The following IL1RAPL2 variants were observed in gnomAD, a reference collection of about 807,000 sequenced individuals.
IL1RAPL2 encodes interleukin 1 receptor accessory protein like 2.
IL1RAPL2 carries 3 observed loss-of-function variants against 44.1 expected under a neutral mutation model. The ratio of observed to expected loss-of-function variants is 0.07; its 90% confidence interval spans 0.03 to 0.18. The LOEUF is 0.18. Among genes scored for constraint, IL1RAPL2 ranks in the 10% least tolerant of loss-of-function variants. The pLI, the probability that IL1RAPL2 is intolerant of heterozygous loss-of-function variation, is 1.00. For missense variants in IL1RAPL2, 391 were observed against 496.4 expected (o/e 0.79, Z 2.02); for synonymous variants, 181 against 178.8 (o/e 1.01, Z -0.10).
intron 2 of IL1RAPL2, among the ~76,000 whole-genome samples, chrX:105,097,330 C>CAAAAAAAAAAAAA (rs201390547): frequency 2.3e-5 from 1 of 43,180 alleles, no homozygotes. Flanking sequence ...CAGTGTCAGA[C>CAAAAAAAAAAAAA]AAAAAAAAAA....
At chrX:104,804,891 CAGG>C (rs1182682135) in intron 2 of IL1RAPL2, among the ~76,000 whole-genome samples, 3 of 112,075 alleles carry the variant, frequency 2.7e-5, no homozygotes, top group Non-Finnish European at 5.6e-5. Context: ...TTAGGTAACA[CAGG>C]AGATAAATAG....
intron 6 of IL1RAPL2, among the ~76,000 whole-genome samples, chrX:105,554,464 C>T (rs2036882769): frequency 9.0e-6 from 1 of 111,513 alleles, no homozygotes; most frequent in Admixed American, 9.5e-5. Context: ...GTGTTTGATG[C>T]TTTTAATCAA....
chrX:105,387,611 A>G (rs187476662), intron 5 of IL1RAPL2, among the ~76,000 whole-genome samples: 1 of 111,630 alleles, frequency 9.0e-6, no homozygotes, highest in African/African-American at 3.2e-5. Context: ...TATTTATGCA[A>G]TCACATGACC....
intron 6 of IL1RAPL2, among the ~76,000 whole-genome samples, chrX:105,516,952 C>T (rs2036519225): frequency 9.0e-6 from 1 of 111,461 alleles, no homozygotes; most frequent in South Asian, 3.7e-4. Flanking sequence ...GGAGTGAAGG[C>T]AGAGATCAGA....
chrX:104,891,494 T>C (rs758423620), intron 2 of IL1RAPL2, among the ~76,000 whole-genome samples: 165 of 111,975 alleles, frequency 1.5e-3, no homozygotes, highest in Non-Finnish European at 2.6e-3. Context: ...GTAGCTCTCC[T>C]TGAAGAGGTC....
At chrX:104,973,527 G>A (rs1272349830) in intron 2 of IL1RAPL2, among the ~76,000 whole-genome samples, 1 of 111,666 alleles carries the variant, frequency 9.0e-6, no homozygotes, top group Non-Finnish European at 1.9e-5. Flanking sequence ...AGCTAAAGGA[G>A]GGAGTTACAT....
intron 5 of IL1RAPL2, among the ~76,000 whole-genome samples, chrX:105,394,026 A>T (rs1365634139): frequency 8.9e-6 from 1 of 111,996 alleles, no homozygotes; most frequent in Admixed American, 9.5e-5. Flanking sequence ...TTAGCAATTG[A>T]GATGATGTTT....
chrX:105,002,000 A>T (rs1306684456), intron 2 of IL1RAPL2, among the ~76,000 whole-genome samples: 1 of 111,149 alleles, frequency 9.0e-6, no homozygotes, highest in African/African-American at 3.3e-5. Context: ...AAGGGGGTAA[A>T]AATAAAAGTG....
At chrX:104,569,129 T>G (rs1217309038) in intron 1 of IL1RAPL2, among the ~76,000 whole-genome samples, 1 of 112,498 alleles carries the variant, frequency 8.9e-6, no homozygotes, top group Admixed American at 9.4e-5. Flanking sequence ...CAGCCGCTTC[T>G]GCTTCTGCCC....
intron 1 of IL1RAPL2, among the ~76,000 whole-genome samples, chrX:104,651,431 C>A (rs1420866160): frequency 9.0e-6 from 1 of 111,677 alleles, no homozygotes; most frequent in Non-Finnish European, 1.9e-5. Context: ...ACATAATGTC[C>A]ACTTGGCAAA....
chrX:104,767,071 C>T (rs757612045), intron 2 of IL1RAPL2, among the ~76,000 whole-genome samples: 1 of 111,898 alleles, frequency 8.9e-6, no homozygotes, highest in East Asian at 2.8e-4. Flanking sequence ...TAGAAGTTTC[C>T]ATAGTGTAAG....
chrX:105,360,291 A>G (rs1055932324), intron 5 of IL1RAPL2, among the ~76,000 whole-genome samples: 15 of 111,347 alleles, frequency 1.3e-4, no homozygotes, highest in African/African-American at 4.9e-4. Flanking sequence ...CTCTAGGCCT[A>G]TGTCAATTGG....
At chrX:104,876,772 A>G (rs1168583075) in intron 2 of IL1RAPL2, among the ~76,000 whole-genome samples, 3 of 105,562 alleles carry the variant, frequency 2.8e-5, no homozygotes, top group Non-Finnish European at 5.8e-5. Flanking sequence ...GTACATGTGC[A>G]CAATGTGCAG....
At chrX:105,668,035 T>G (rs888232823) in intron 6 of IL1RAPL2, among the ~76,000 whole-genome samples, 1 of 98,848 alleles carries the variant, frequency 1.0e-5, no homozygotes, top group African/African-American at 3.7e-5. Flanking sequence ...GGGATGGTAC[T>G]CCTTTTTGTG....
At position 105,325,469 on chromosome X, in the gene IL1RAPL2, T is replaced by C. The variant is rs780500554; in HGVS notation, c.697+57928T>C. On this transcript the variant is annotated intron_variant, in intron 5 of 10. Coordinates refer to ENST00000372582, the MANE Select transcript of IL1RAPL2 (RefSeq NM_017416.2). ...CATTATTTACACTTTAGGGCTCTTATAAATAATATTGCTGTGAACATTCGT... is the reference window on the plus strand; with the variant it reads ...CATTATTTACACTTTAGGGCTCTTACAAATAATATTGCTGTGAACATTCGT... 2.1e-4 allele frequency among the ~76,000 whole-genome samples: 22 copies of C among 106,565 alleles called. No homozygotes were observed. In the East Asian group the frequency reaches 5.8e-3, roughly 28 times the overall value. The allele number at this position is 106,565 out of a possible 115,157, so 92.5% of individuals were successfully genotyped here.
At chrX:104,878,752 T>C (rs1461342587) in intron 2 of IL1RAPL2, among the ~76,000 whole-genome samples, 1 of 111,912 alleles carries the variant, frequency 8.9e-6, no homozygotes, top group Non-Finnish European at 1.9e-5. Context: ...AAGCTTCTTG[T>C]TCCCTGTTTA....
intron 2 of IL1RAPL2, among the ~76,000 whole-genome samples, chrX:105,035,973 T>A (rs142958887): frequency 1.8e-5 from 2 of 110,852 alleles, no homozygotes; most frequent in African/African-American, 6.6e-5. Context: ...TGTATAAGAG[T>A]CTTTTATGTT....
At chrX:105,453,559 A>G (rs1875142075) in intron 5 of IL1RAPL2, among the ~76,000 whole-genome samples, 1 of 112,441 alleles carries the variant, frequency 8.9e-6, no homozygotes, top group Admixed American at 9.4e-5. Context: ...CAAATCTGAT[A>G]GACTTTTTTT....
intron 1 of IL1RAPL2, among the ~76,000 whole-genome samples, chrX:104,636,189 G>A (rs769523480): frequency 1.8e-5 from 2 of 111,797 alleles, no homozygotes; most frequent in African/African-American, 3.3e-5. Context: ...TTGCTGCCTG[G>A]TCGTTCCTCT....
Sources: gnomAD v4.1 joint callset for allele counts (sites outside exome capture counted in the v4.1 genomes callset) on GRCh38, gnomAD v4.1.1 for gene constraint, MANE v1.5 for transcripts, NCBI Gene and HGNC (gene_info 2026-07-23, HGNC 2026-07-21) for gene names.